The following SV2C variants were observed in gnomAD, a reference collection of about 807,000 sequenced individuals.
SV2C encodes the protein solute carrier family 22 member B3.
In SV2C, 49 loss-of-function variants were observed where a neutral mutation model predicts 79.7. That is an observed-to-expected ratio of 0.61 (90% CI 0.49 to 0.78). SV2C has a LOEUF of 0.78. SV2C is among the 30% of genes least tolerant of loss of function. The pLI is 0.00. For synonymous variants in SV2C, 334 were observed against 333.2 expected, an observed-to-expected ratio of 1.00 and a Z score of -0.03; for missense variants, 833 against 912.9, an observed-to-expected ratio of 0.91 and a Z score of 1.13.
At chr5:76,249,697 T>C (rs1278794179) in intron 4 of SV2C, among the ~76,000 whole-genome samples, 1 of 152,208 alleles carries the variant, frequency 6.6e-6, no homozygotes, top group Non-Finnish European at 1.5e-5. Context: ...CTCTTTAACA[T>C]GAAAAGATAG....
chr5:76,302,074 A>G (rs1173549579), intron 12 of SV2C, among the ~76,000 whole-genome samples: 2 of 152,206 alleles, frequency 1.3e-5, no homozygotes, highest in East Asian at 3.8e-4. Context: ...AAGCCAGTGA[A>G]GGAATTTAAG....
At chr5:76,076,869 G>T in the SV2C span, among the ~76,000 whole-genome samples, 1 of 152,216 alleles carries the variant, frequency 6.6e-6, no homozygotes, top group African/African-American at 2.4e-5. Context: ...CCTTCAGGTT[G>T]CTTGTAATGG....
At chr5:76,190,165 T>C (rs1744050883) in intron 2 of SV2C, among the ~76,000 whole-genome samples, 1 of 152,152 alleles carries the variant, frequency 6.6e-6, no homozygotes, top group African/African-American at 2.4e-5. Flanking sequence ...GGCCAACTGA[T>C]GTTAAAGGGA....
At chr5:76,165,900 G>C (rs935593770) in intron 2 of SV2C, among the ~76,000 whole-genome samples, 1 of 152,156 alleles carries the variant, frequency 6.6e-6, no homozygotes, top group African/African-American at 2.4e-5. Context: ...TTGAGAGTGA[G>C]AGAGGTGAGG....
intron 4 of SV2C, among the ~76,000 whole-genome samples, chr5:76,213,465 A>G (rs963502069): frequency 3.9e-5 from 6 of 152,114 alleles, no homozygotes; most frequent in Non-Finnish European, 2.9e-5. Flanking sequence ...ACACTTTTTC[A>G]CAAACACTTT....
the SV2C span, among the ~76,000 whole-genome samples, chr5:76,033,975 G>C: frequency 6.6e-6 from 1 of 152,260 alleles, no homozygotes; most frequent in Non-Finnish European, 1.5e-5. Flanking sequence ...TCCCTTGTAA[G>C]TTGGATTCCT....
At chr5:76,005,762 A>C in the SV2C span, among the ~76,000 whole-genome samples, 1 of 152,346 alleles carries the variant, frequency 6.6e-6, no homozygotes, top group South Asian at 2.1e-4. Flanking sequence ...AATGGAATGC[A>C]GAATGGAGGG....
the SV2C span, among the ~76,000 whole-genome samples, chr5:75,901,434 G>T: frequency 6.6e-6 from 1 of 152,156 alleles, no homozygotes; most frequent in East Asian, 1.9e-4. Flanking sequence ...CTGTCTGGTC[G>T]TTCCTCTGGA....
chr5:75,879,231 C>T, the SV2C span, among the ~76,000 whole-genome samples: 2,147 of 152,254 alleles, frequency 0.014, 46 homozygotes, highest in African/African-American at 0.048. Context: ...ACCCCAAAAT[C>T]TCAGGTTCTC....
chr5:76,258,284 G>T (rs1746356408), intron 4 of SV2C, among the ~76,000 whole-genome samples: 1 of 152,056 alleles, frequency 6.6e-6, no homozygotes, highest in Non-Finnish European at 1.5e-5. Context: ...CACCCAGATG[G>T]TCTACTACAG....
intron 2 of SV2C, chr5:76,174,079 C>T (rs531482735): frequency 2.7e-5 from 43 of 1,574,664 alleles, no homozygotes; most frequent in South Asian, 1.7e-4. Context: ...AATCTTCTAT[C>T]GTAGGATCGT....
At chr5:76,070,620 G>C in the SV2C span, among the ~76,000 whole-genome samples, 1 of 152,216 alleles carries the variant, frequency 6.6e-6, no homozygotes, top group Admixed American at 6.5e-5. Flanking sequence ...GTGGTATGTA[G>C]AAGGTGGCCA....
chr5:76,231,018 A>T (rs1354720746), intron 4 of SV2C, among the ~76,000 whole-genome samples: 2 of 152,206 alleles, frequency 1.3e-5, no homozygotes, highest in African/African-American at 4.8e-5. Context: ...CAAAGAATGG[A>T]TTAGGAACTC....
the SV2C span, among the ~76,000 whole-genome samples, chr5:76,063,369 G>C: frequency 7.2e-5 from 11 of 152,104 alleles, no homozygotes; most frequent in Admixed American, 7.2e-4. Flanking sequence ...ACCTTGTGAA[G>C]GCTTCACTTG....
chr5:75,936,549 G>A, the SV2C span, among the ~76,000 whole-genome samples: 122 of 152,172 alleles, frequency 8.0e-4, no homozygotes, highest in Non-Finnish European at 1.9e-4. Context: ...GGCCTGTTTA[G>A]GCAGAAGTTT....
chr5:75,858,586 G>A, the SV2C span, among the ~76,000 whole-genome samples: 10 of 152,088 alleles, frequency 6.6e-5, no homozygotes, highest in Non-Finnish European at 4.4e-5. Flanking sequence ...TGTGTCTTTG[G>A]TTTTGGTATC....
chr5:76,042,180 T>A, the SV2C span, among the ~76,000 whole-genome samples: 1 of 152,192 alleles, frequency 6.6e-6, no homozygotes, highest in Non-Finnish European at 1.5e-5. Context: ...TTCTTCTTAA[T>A]AACACCTTAA....
chr5:76,118,246 C>T (rs1354700295), intron 1 of SV2C, among the ~76,000 whole-genome samples: 1 of 152,208 alleles, frequency 6.6e-6, no homozygotes, highest in Non-Finnish European at 1.5e-5. Context: ...CCTCCATCTT[C>T]ACATGGTCTT....
At chr5:76,227,528 TA>T (rs1157769273) in intron 4 of SV2C, among the ~76,000 whole-genome samples, 2 of 152,182 alleles carry the variant, frequency 1.3e-5, no homozygotes, top group Non-Finnish European at 2.9e-5. Context: ...ATAATTGCAA[TA>T]AAATAATAAA....
Sources: gnomAD v4.1 joint callset for allele counts (sites outside exome capture counted in the v4.1 genomes callset) on GRCh38, gnomAD v4.1.1 for gene constraint, MANE v1.5 for transcripts, NCBI Gene and HGNC (gene_info 2026-07-23, HGNC 2026-07-21) for gene names.